The following KLF12 variants were observed in gnomAD, a reference collection of about 807,000 sequenced individuals.
KLF12 encodes KLF transcription factor 12, also known as Krueppel-like factor 12.
KLF12 carries 9 observed loss-of-function variants against 37.8 expected under a neutral mutation model. The observed-to-expected ratio is 0.24, with a 90% CI of 0.14 to 0.42. The LOEUF is 0.42. Ranked by LOEUF, KLF12 falls within the 10% of genes least tolerant of loss-of-function variation. KLF12 has a pLI of 1.00. For synonymous variants in KLF12, 208 were observed against 202.1 expected (o/e 1.03, Z -0.25); for missense variants, 411 against 516.0 (o/e 0.80, Z 1.97).
chr13:73,757,569 A>G (rs1218500709), intron 6 of KLF12, among the ~76,000 whole-genome samples: 1 of 152,200 alleles, frequency 6.6e-6, no homozygotes, highest in East Asian at 1.9e-4. Flanking sequence ...GTATACGGAG[A>G]AATCTCTGTA....
At chr13:73,744,927 G>T (rs181113227) in intron 6 of KLF12, among the ~76,000 whole-genome samples, 39 of 152,296 alleles carry the variant, frequency 2.6e-4, no homozygotes, top group Non-Finnish European at 3.4e-4. Flanking sequence ...ATGCATCCTG[G>T]TGTTAAATTC....
chr13:73,755,021 G>A lies in KLF12; in HGVS notation c.869+9917C>T, dbSNP rs718570. ...AATGCCTTATGGACTGTGCAGTTTG[G>A]GGAAGATTACTGTAAGTCACTTTCA... is the stretch of plus-strand genomic sequence containing the variant. On this transcript the variant is annotated intron_variant, in intron 6 of 7. Coordinates refer to ENST00000377669, the MANE Select transcript of KLF12 (RefSeq NM_007249.5). 8.8e-3 allele frequency among the ~76,000 whole-genome samples: 1,346 copies of A among 152,136 alleles called. 13 individuals are homozygous for A. Among genetic ancestry groups the A allele is most frequent in the African/African-American group, 0.026 (1,065 of 41,502 alleles).
At chr13:73,785,635 A>G (rs1881291436) in intron 5 of KLF12, among the ~76,000 whole-genome samples, 1 of 151,368 alleles carries the variant, frequency 6.6e-6, no homozygotes, top group Admixed American at 6.6e-5. Flanking sequence ...TAAAGTAAGT[A>G]TTTTGCAAGA....
chr13:74,235,357 A>T, the KLF12 span, among the ~76,000 whole-genome samples: 1 of 152,264 alleles, frequency 6.6e-6, no homozygotes, highest in African/African-American at 2.4e-5. Flanking sequence ...TATTCTGTAT[A>T]GCAAGTATTC....
At chr13:74,232,335 G>A in the KLF12 span, among the ~76,000 whole-genome samples, 1 of 152,148 alleles carries the variant, frequency 6.6e-6, no homozygotes, top group African/African-American at 2.4e-5. Flanking sequence ...TGATAACTGT[G>A]GTCATGTAAA....
At chr13:74,120,609 G>A (rs1036065264) in intron 1 of KLF12, among the ~76,000 whole-genome samples, 2 of 151,890 alleles carry the variant, frequency 1.3e-5, no homozygotes, top group Admixed American at 6.5e-5. Flanking sequence ...AAAAATATGA[G>A]CAAGAATTTT....
intron 1 of KLF12, among the ~76,000 whole-genome samples, chr13:74,124,930 G>C (rs1380416656): frequency 6.6e-6 from 1 of 152,100 alleles, no homozygotes; most frequent in Non-Finnish European, 1.5e-5. Context: ...TGGATCACTT[G>C]AGGTCAGGAG....
the KLF12 span, among the ~76,000 whole-genome samples, chr13:74,291,470 G>A: frequency 6.6e-6 from 1 of 152,184 alleles, no homozygotes; most frequent in Non-Finnish European, 1.5e-5. Flanking sequence ...GGCTCTCTGG[G>A]CAAAGTCACA....
intron 1 of KLF12, among the ~76,000 whole-genome samples, chr13:74,095,349 G>C (rs1323082286): frequency 6.7e-6 from 1 of 148,662 alleles, no homozygotes; most frequent in East Asian, 2.0e-4. Flanking sequence ...AGACAGTACA[G>C]TTTTTGTTAC....
At chr13:74,018,701 T>G (rs2138410460) in intron 1 of KLF12, among the ~76,000 whole-genome samples, 1 of 152,238 alleles carries the variant, frequency 6.6e-6, no homozygotes, top group African/African-American at 2.4e-5. Context: ...ACTAAGGGGG[T>G]GCTCACTACT....
the KLF12 span, among the ~76,000 whole-genome samples, chr13:74,304,009 C>T: frequency 6.6e-6 from 1 of 152,054 alleles, no homozygotes; most frequent in Admixed American, 6.6e-5. Flanking sequence ...GAACCCCAAG[C>T]AGATTCCTCC....
intron 1 of KLF12, among the ~76,000 whole-genome samples, chr13:74,098,688 C>CCAATACGA (rs1296297548): frequency 1.3e-5 from 2 of 152,150 alleles, no homozygotes. Context: ...AAATATTTAG[C>CCAATACGA]CAATACGACA....
chr13:73,881,899 A>G (rs570368197), intron 3 of KLF12, among the ~76,000 whole-genome samples: 2 of 152,288 alleles, frequency 1.3e-5, no homozygotes, highest in South Asian at 2.1e-4. Flanking sequence ...TGTTCTCTAT[A>G]TAACGTTAAC....
intron 3 of KLF12, among the ~76,000 whole-genome samples, chr13:73,848,964 T>G (rs926774997): frequency 2.0e-5 from 3 of 152,168 alleles, no homozygotes; most frequent in African/African-American, 4.8e-5. Flanking sequence ...TTCATCTGTT[T>G]ACAGCGTTGA....
In KLF12 at chr13:74,037,983, A is replaced by G. The variant is rs190005197; in HGVS notation, c.-31-42930T>C. ...AGCACAGGAAGCCTTGTGGGCATGGAACCCCACATACACAAGATCTGTTAT... is the reference window on the plus strand; with the variant it reads ...AGCACAGGAAGCCTTGTGGGCATGGGACCCCACATACACAAGATCTGTTAT... On this transcript the variant is annotated intron_variant, in intron 1 of 7. Coordinates refer to ENST00000377669, the MANE Select transcript of KLF12 (RefSeq NM_007249.5). Among the ~76,000 whole-genome samples, 601 of 152,328 alleles carry G rather than the reference A, an allele frequency of 3.9e-3. 2 individuals carry two copies. The highest frequency in any genetic ancestry group is 4.8e-3 in the Admixed American group (73 of 15,304).
the KLF12 span, among the ~76,000 whole-genome samples, chr13:74,152,633 A>C: frequency 1.3e-5 from 2 of 152,170 alleles, no homozygotes; most frequent in Non-Finnish European, 2.9e-5. Context: ...CTGTAATTGC[A>C]GCATTTTAGG....
chr13:73,884,249 T>TA (rs1887114159), intron 3 of KLF12, among the ~76,000 whole-genome samples: 1 of 152,186 alleles, frequency 6.6e-6, no homozygotes, highest in Admixed American at 6.5e-5. Context: ...TTCTTCTCTT[T>TA]TCTCAGCTGA....
the KLF12 span, among the ~76,000 whole-genome samples, chr13:74,283,832 A>G: frequency 1.3e-5 from 2 of 151,662 alleles, no homozygotes; most frequent in African/African-American, 4.8e-5. Flanking sequence ...TTTTGGCAAA[A>G]GTATCATCCA....
rs1344397653 is a variant in KLF12 at position 73,692,859 on chromosome 13, A to T, written c.*2631T>A. 1 of 152,640 alleles carries T rather than the reference A, an allele frequency of 6.6e-6. No homozygotes were observed. Among genetic ancestry groups the T allele is most frequent in the African/African-American group, 2.4e-5 (1 of 41,462 alleles). The allele number at this position is 152,640 out of a possible 1,614,324, so 9.5% of individuals were successfully genotyped here. ...GCTGACAGGTTTTATCAGTTAACTT[A>T]CCATCTCAGTCTGGTTTCCACTTTC... On this transcript the variant is annotated 3_prime_UTR_variant, in exon 8 of 8. Transcript: ENST00000377669.
Sources: allele counts gnomAD v4.1 joint callset (sites outside exome capture counted in the v4.1 genomes callset), GRCh38; gene constraint gnomAD v4.1.1; transcripts MANE v1.5; gene names NCBI Gene and HGNC (gene_info 2026-07-23, HGNC 2026-07-21).